The following TLL1 variants were observed in gnomAD, a reference collection of about 807,000 sequenced individuals.
The protein encoded by TLL1 is tolloid-like protein 1.
TLL1 carries 49 observed loss-of-function variants against 128.2 expected under a neutral mutation model. The observed-to-expected ratio is 0.38, with a 90% CI of 0.30 to 0.48. TLL1 has a LOEUF of 0.48. Ranked by LOEUF, TLL1 falls within the 20% of genes least tolerant of loss-of-function variation. The pLI is 0.96. For missense variants in TLL1, 1,123 were observed against 1,242.0 expected (o/e 0.90, Z 1.44); for synonymous variants, 454 against 418.8 (o/e 1.08, Z -1.03).
chr4:166,021,599 A>C (rs1738237513), intron 8 of TLL1, among the ~76,000 whole-genome samples: 1 of 151,848 alleles, frequency 6.6e-6, no homozygotes, highest in South Asian at 2.1e-4. Flanking sequence ...TGCCCGGCTA[A>C]ATTTTGTATT....
chr4:166,029,912 C>G (rs372411170), intron 9 of TLL1, among the ~76,000 whole-genome samples: 1 of 152,024 alleles, frequency 6.6e-6, no homozygotes, highest in Non-Finnish European at 1.5e-5. Flanking sequence ...TAGGTTGCTT[C>G]TACCTCTTGG....
chr4:166,099,626 CAAA>C (rs34057891), intron 20 of TLL1, 99 bp downstream of exon 20: 8,878 of 949,734 alleles, frequency 9.3e-3, no homozygotes, highest in East Asian at 0.015. Context: ...ATGCTTTTTG[CAAA>C]AAAAAAAAAA....
intron 6 of TLL1, among the ~76,000 whole-genome samples, chr4:166,007,040 C>A (rs538164365): frequency 6.6e-6 from 1 of 151,638 alleles, no homozygotes; most frequent in Non-Finnish European, 1.5e-5. Flanking sequence ...ATTCCTTTAG[C>A]TCATCTTTCT....
chr4:166,050,511 G>A (rs969946380), intron 12 of TLL1, among the ~76,000 whole-genome samples: 1 of 152,068 alleles, frequency 6.6e-6, no homozygotes, highest in Non-Finnish European at 1.5e-5. Context: ...TTTTTAGGGA[G>A]CATGGGATAC....
intron 3 of TLL1, 127 bp from the exon 4 acceptor site, chr4:165,994,254 C>A: frequency 9.6e-7 from 1 of 1,039,286 alleles, no homozygotes; most frequent in South Asian, 1.4e-5. Context: ...TTCTTTAATG[C>A]ATTTTGACTT....
intron 1 of TLL1, among the ~76,000 whole-genome samples, chr4:165,988,306 C>A (rs1225547637): frequency 1.3e-5 from 2 of 152,016 alleles, no homozygotes; most frequent in African/African-American, 4.8e-5. Flanking sequence ...GCATAATACA[C>A]TAGGTAAAAA....
chr4:166,060,112 G>A lies in TLL1; in HGVS notation c.1931G>A (p.Cys644Tyr). Residue 644 changes from cysteine (C) to tyrosine (Y), a missense_variant, in exon 15 of 21, where the codon TGT (cysteine) becomes TAT (tyrosine). Cys to Tyr is a radical substitution (Grantham distance 194). Coordinates refer to ENST00000061240, the MANE Select transcript of TLL1 (RefSeq NM_012464.5). ...AAGGAGTACCCTCCTAATAAGAACT[G>A]TGTGTGGCAAGTGGTTGCACCAACC... ...WPKEYPPNKN[C>Y]VWQVVAPTQY... The A allele has an allele frequency of 1.2e-6, 2 of 1,613,800 alleles. No homozygotes were observed. Among genetic ancestry groups the A allele is most frequent in the Non-Finnish European group, 1.7e-6 (2 of 1,179,896 alleles).
intron 2 of TLL1, 150 bp from the exon 3 acceptor site, chr4:165,992,654 C>A: frequency 1.4e-6 from 1 of 711,014 alleles, no homozygotes; most frequent in Admixed American, 2.3e-5. Flanking sequence ...GTTTTTACCC[C>A]CTTCAAAGAT....
At chr4:165,959,923 C>T (rs975972620) in intron 1 of TLL1, among the ~76,000 whole-genome samples, 2 of 151,984 alleles carry the variant, frequency 1.3e-5, no homozygotes, top group East Asian at 3.9e-4. Context: ...AATATCACAC[C>T]AAAGGAACTA....
chr4:166,030,840 G>A (rs763546725), intron 9 of TLL1: 24 of 1,004,100 alleles, frequency 2.4e-5, no homozygotes, highest in Non-Finnish European at 2.7e-5. Flanking sequence ...TTAAATTAGC[G>A]TTTTTGTTTT....
intron 5 of TLL1, among the ~76,000 whole-genome samples, chr4:166,002,280 A>G (rs973153177): frequency 2.0e-5 from 3 of 152,116 alleles, no homozygotes; most frequent in Non-Finnish European, 4.4e-5. Flanking sequence ...CCTGATCCTC[A>G]AATCACCTTC....
At chr4:165,890,655 A>G (rs1731358742) in intron 1 of TLL1, among the ~76,000 whole-genome samples, 1 of 152,220 alleles carries the variant, frequency 6.6e-6, no homozygotes, top group African/African-American at 2.4e-5. Flanking sequence ...GTGGGCTCCC[A>G]TGGCCTTGGG....
intron 1 of TLL1, among the ~76,000 whole-genome samples, chr4:165,918,212 T>C (rs1388390540): frequency 6.6e-6 from 1 of 152,166 alleles, no homozygotes; most frequent in African/African-American, 2.4e-5. Flanking sequence ...TGGTCCATCA[T>C]TTGAAATCCT....
At chr4:166,096,951 T>A (rs970695757) in intron 19 of TLL1, among the ~76,000 whole-genome samples, 10 of 152,052 alleles carry the variant, frequency 6.6e-5, no homozygotes, top group Admixed American at 2.0e-4. Context: ...GATCGTAGAG[T>A]ACAGATGATG....
At chr4:165,878,676 C>T (rs780860492) in intron 1 of TLL1, among the ~76,000 whole-genome samples, 15 of 152,030 alleles carry the variant, frequency 9.9e-5, no homozygotes, top group Non-Finnish European at 1.9e-4. Context: ...GAGCCTCCCA[C>T]GTTTTGCTTC....
intron 18 of TLL1, among the ~76,000 whole-genome samples, chr4:166,082,775 T>G (rs1472321849): frequency 1.3e-5 from 2 of 152,112 alleles, no homozygotes; most frequent in African/African-American, 4.8e-5. Context: ...ACTCCCAGAT[T>G]CAAGCAATTC....
At chr4:165,998,126 T>C (rs77587902) in intron 5 of TLL1, among the ~76,000 whole-genome samples, 1 of 152,188 alleles carries the variant, frequency 6.6e-6, no homozygotes, top group Non-Finnish European at 1.5e-5. Context: ...ACGAAGTATT[T>C]TTCAGTGAAC....
intron 9 of TLL1, among the ~76,000 whole-genome samples, chr4:166,038,520 C>T (rs1235195939): frequency 2.0e-5 from 3 of 151,184 alleles, no homozygotes; most frequent in Admixed American, 2.0e-4. Context: ...AATTCCTTTG[C>T]ATCAGATAAG....
chr4:166,080,913 A>C (rs753486615), intron 18 of TLL1, among the ~76,000 whole-genome samples: 3 of 151,838 alleles, frequency 2.0e-5, no homozygotes, highest in Non-Finnish European at 2.9e-5. Flanking sequence ...TGTCTTTATC[A>C]GTGGTAGGTG....
Sources: allele counts gnomAD v4.1 joint callset (sites outside exome capture counted in the v4.1 genomes callset), GRCh38; gene constraint gnomAD v4.1.1; transcripts MANE v1.5; gene names NCBI Gene and HGNC (gene_info 2026-07-23, HGNC 2026-07-21).